Variants in SPATC1 observed in about 807,000 individuals in gnomAD.
SPATC1 encodes the protein speriolin.
In SPATC1, 35 loss-of-function variants were observed where a neutral mutation model predicts 36.5. The ratio of observed to expected loss-of-function variants is 0.96; its 90% CI spans 0.73 to 1.27. The LOEUF is 1.27. Among genes scored for constraint, SPATC1 ranks in the 50% most tolerant of loss-of-function variants. The pLI is 0.00. For missense variants in SPATC1, 779 were observed against 796.0 expected (o/e 0.98, Z 0.26); for synonymous variants, 361 against 353.6 (o/e 1.02, Z -0.24).
At position 144,025,009 on chromosome 8, in the gene SPATC1, C is replaced by T. The variant is rs1297905035; in HGVS notation, c.211+12283C>T. Among the ~76,000 whole-genome samples the T allele has an allele frequency of 2.1e-5, 3 of 143,604 alleles. No individual in the cohort carries two copies. In the South Asian group the frequency reaches 6.8e-4, roughly 33 times the overall value. The allele number at this position is 143,604 out of a possible 152,430, so 94.2% of individuals were successfully genotyped here. A position where few individuals can be genotyped will look rare whatever the true frequency, so the allele number is the denominator to read the frequency against. ...CTCAGGACCCTTTTTCTTGAGGACC[C>T]TCTCCTCTCAGGACCATCTCACCTC... On this transcript the variant is annotated intron_variant, in intron 1 of 4. Transcript: ENST00000377470.
At chr8:144,020,584 C>T (rs982967010) in intron 1 of SPATC1, among the ~76,000 whole-genome samples, 6,589 of 96,900 alleles carry the variant, frequency 0.068, 244 homozygotes, top group Non-Finnish European at 0.093. Context: ...GACCTTCTCC[C>T]CTCAGAACCC....
At chr8:144,042,521 C>T (rs1381050366) in intron 4 of SPATC1, among the ~76,000 whole-genome samples, 1 of 151,518 alleles carries the variant, frequency 6.6e-6, no homozygotes, top group Non-Finnish European at 1.5e-5. Flanking sequence ...GGGGTTTCTC[C>T]ATGTTGGCCA....
At chr8:144,035,925 G>C (rs1056529220) in intron 1 of SPATC1, among the ~76,000 whole-genome samples, 1 of 152,126 alleles carries the variant, frequency 6.6e-6, no homozygotes, top group African/African-American at 2.4e-5. Context: ...TGGAGGCCAA[G>C]CAGGACAGAC....
rs1835036763 is a variant in SPATC1 at position 144,040,287 on chromosome 8, G to A, written c.590G>A (p.Ser197Asn). ...VMGTVAVSLS[S>N]PLLSSTATPP... The stretch of plus-strand genomic sequence containing the variant: ...GGCACGGTGGCTGTCTCTCTGAGCA[G>A]CCCCCTCCTCAGCTCCACTGCCACC... The change falls in exon 2 of 5, where the codon AGC becomes AAC. Residue 197 changes from serine (S) to asparagine (N), a missense_variant. Coordinates refer to ENST00000377470, the MANE Select transcript of SPATC1 (RefSeq NM_198572.3). 15 of 1,612,746 alleles carry A rather than the reference G, an allele frequency of 9.3e-6. No individual in the cohort carries two copies. The highest frequency in any genetic ancestry group is 1.3e-5 in the Non-Finnish European group (15 of 1,179,894).
chr8:144,012,435 C>A lies in SPATC1; in HGVS notation c.-81C>A. Reference sequence around the variant, plus strand: ...TTGCAGACTCTGCACCCTCCTTCAGCCCAGGCAAGGCCTGGGGCCCTGGGC... The same window carrying A: ...TTGCAGACTCTGCACCCTCCTTCAGACCAGGCAAGGCCTGGGGCCCTGGGC... On this transcript the variant is annotated 5_prime_UTR_variant, in exon 1 of 5. Transcript: ENST00000377470. 1 of 1,296,938 alleles carries A rather than the reference C, an allele frequency of 7.7e-7. No homozygotes were observed. Among genetic ancestry groups the A allele is most frequent in the Non-Finnish European group, 1.1e-6 (1 of 921,588 alleles). 80.3% of individuals were successfully genotyped at this position (1,296,938 alleles called of 1,614,324 possible).
At chr8:144,042,812 G>A (rs918112607) in intron 4 of SPATC1, among the ~76,000 whole-genome samples, 1 of 151,838 alleles carries the variant, frequency 6.6e-6, no homozygotes, top group Non-Finnish European at 1.5e-5. Flanking sequence ...CCTGTTACAG[G>A]CCTGTGTGCG....
chr8:144,046,943 T>C lies in SPATC1; in HGVS notation c.1763T>C (p.Met588Thr), dbSNP rs200953160. 2.9e-5 allele frequency: 46 copies of C among 1,596,942 alleles called. No individual in the cohort carries two copies. The highest frequency in any genetic ancestry group is 4.0e-5 in the African/African-American group (3 of 74,894). ...SQLAHDDGKP[M>T]FIW ...CTGGCGCACGATGACGGCAAGCCCA[T>C]GTTCATCTGGTGACGCTGGAGCTGG... Residue 588 changes from methionine to threonine, a missense_variant, in exon 5 of 5, where the codon ATG (methionine) becomes ACG (threonine). Met to Thr is a moderately conservative substitution (Grantham distance 81). Transcript: ENST00000377470. This position sits in a 1 kb window ranked among gnomAD's most constrained non-coding sequence, Gnocchi z 6.6.
In SPATC1 at chr8:144,040,827, C is replaced by T. The variant is rs202026929; in HGVS notation, c.1026C>T (p.Ala342=). 3 of 1,409,646 alleles carry T rather than the reference C, an allele frequency of 2.1e-6. No individual in the cohort carries two copies. Among genetic ancestry groups the T allele is most frequent in the Non-Finnish European group, 2.8e-6 (3 of 1,059,694 alleles). The allele number at this position is 1,409,646 out of a possible 1,614,324, so 87.3% of individuals were successfully genotyped here. A position where few individuals can be genotyped will look rare whatever the true frequency, so the allele number is the denominator to read the frequency against. ...VTVLASAPAL[A]PQVATSYTPS... ...TCCTTGCCTCTGCCCCCGCCCTTGC[C>T]CCCCAGGTTGCCACCAGCTACACAC... is the stretch of plus-strand genomic sequence containing the variant. The change falls in exon 3 of 5, where the codon GCC becomes GCT. Residue 342 remains alanine, a synonymous_variant. Coordinates refer to ENST00000377470, the MANE Select transcript of SPATC1 (RefSeq NM_198572.3).
chr8:144,042,650 C>T (rs1289938071), intron 4 of SPATC1, among the ~76,000 whole-genome samples: 6 of 151,976 alleles, frequency 3.9e-5, no homozygotes, highest in South Asian at 2.1e-4. Context: ...AAGACACAGG[C>T]GTCCATGTAA....
intron 1 of SPATC1, among the ~76,000 whole-genome samples, chr8:144,017,396 T>G (rs1834416076): frequency 6.6e-6 from 1 of 152,166 alleles, no homozygotes; most frequent in Non-Finnish European, 1.5e-5. Context: ...TTATGCTCTG[T>G]GCACAGCCCT....
At chr8:144,030,356 T>C (rs1834769732) in intron 1 of SPATC1, among the ~76,000 whole-genome samples, 1 of 152,000 alleles carries the variant, frequency 6.6e-6, no homozygotes, top group African/African-American at 2.4e-5. Flanking sequence ...TGTGTATGTA[T>C]GTATGTATGT....
chr8:144,039,684 C>T (rs1241231664), intron 1 of SPATC1, among the ~76,000 whole-genome samples: 4 of 152,186 alleles, frequency 2.6e-5, no homozygotes, highest in African/African-American at 9.7e-5. Context: ...TGGGGAGCCA[C>T]TCCCAGGCTC....
At chr8:144,011,546 G>A (rs377022391), upstream of SPATC1, among the ~76,000 whole-genome samples, 1 of 152,170 alleles carries the variant, frequency 6.6e-6, no homozygotes, top group South Asian at 2.1e-4. The surrounding 1 kb of genome is among the most constrained non-coding windows in gnomAD (Gnocchi z 4.5). Flanking sequence ...AACAGCCACA[G>A]AGCCAATGGA....
chr8:144,023,439 T>C (rs1300213035), intron 1 of SPATC1, among the ~76,000 whole-genome samples: 19 of 45,684 alleles, frequency 4.2e-4, no homozygotes, highest in African/African-American at 7.5e-4. Flanking sequence ...GACCCTCTTT[T>C]CTAAGGACCT....
Position 144,040,973 on chromosome 8 carries a change from G to A in SPATC1, c.1172G>A (p.Arg391His), listed in dbSNP as rs1321826500. Residue 391 changes from arginine to histidine, a missense_variant, in exon 3 of 5, where the codon CGT becomes CAT. Physicochemically the swap from Arg to His is conservative, Grantham distance 29. Transcript: ENST00000377470. ...CCACACAACGCCCACTCCCCACCTC[G>A]TACCTCATCCTCCCCGGCTTCAGTC... ...CPPHNAHSPP[R>H]TSSSPASVND... The A allele has an allele frequency of 1.6e-5, 25 of 1,610,142 alleles. No individual in the cohort carries two copies. Among genetic ancestry groups the A allele is most frequent in the Admixed American group, 1.2e-4 (7 of 59,686 alleles).
chr8:144,044,354 T>C (rs1198815199), intron 4 of SPATC1, among the ~76,000 whole-genome samples: 1 of 149,884 alleles, frequency 6.7e-6, no homozygotes, highest in Non-Finnish European at 1.5e-5. Context: ...CGGGCTGGAG[T>C]GCATTGGCGC....
intron 1 of SPATC1, among the ~76,000 whole-genome samples, chr8:144,030,905 G>A (rs1333388343): frequency 6.6e-6 from 1 of 152,008 alleles, no homozygotes; most frequent in Admixed American, 6.5e-5. Flanking sequence ...TATACATACA[G>A]TATATAAATA....
chr8:144,041,379 G>A lies in SPATC1; in HGVS notation c.1446+8G>A. 2 of 1,606,056 alleles carry A rather than the reference G, an allele frequency of 1.2e-6. No individual in the cohort carries two copies. The highest frequency in any genetic ancestry group is 8.5e-7 in the Non-Finnish European group (1 of 1,179,688). On this transcript the variant is annotated splice_region_variant and intron_variant, in intron 4 of 4. Coordinates refer to ENST00000377470, the MANE Select transcript of SPATC1 (RefSeq NM_198572.3). ...CCAGAGAAGATCATCCAGGTGTGCG[G>A]CCAGGGGTCCTGCAGGGACAGGGGG...
intron 1 of SPATC1, among the ~76,000 whole-genome samples, chr8:144,013,445 T>C (rs1245145187): frequency 6.6e-6 from 1 of 152,134 alleles, no homozygotes; most frequent in African/African-American, 2.4e-5. Context: ...ACTGATAACT[T>C]GGGTCTTTCC....
Sources: allele counts gnomAD v4.1 joint callset (sites outside exome capture counted in the v4.1 genomes callset), GRCh38; gene constraint gnomAD v4.1.1; non-coding constraint Gnocchi (gnomAD v3.1); transcripts MANE v1.5; gene names NCBI Gene and HGNC (gene_info 2026-07-23, HGNC 2026-07-21).